ADAM32: variants seen among roughly 807,000 people sequenced by gnomAD.
The protein encoded by ADAM32 is disintegrin and metalloproteinase domain-containing protein 32.
A neutral mutation model predicts 114.9 loss-of-function variants in ADAM32; 89 were observed. The observed-to-expected ratio is 0.77, with a 90% CI of 0.65 to 0.92. The LOEUF (loss-of-function observed/expected upper bound fraction) is 0.92. ADAM32 is among the 40% of genes least tolerant of loss of function. The probability of loss-of-function intolerance (pLI) is 0.00; values close to 1 mark genes in which losing one functional copy is unlikely to be tolerated. For synonymous variants in ADAM32, 285 were observed against 307.5 expected (o/e 0.93, Z 0.77); for missense variants, 870 against 932.8 (o/e 0.93, Z 0.88).
chr8:39,114,112 G>T (rs1212961312), intron 1 of ADAM32, among the ~76,000 whole-genome samples: 2 of 152,084 alleles, frequency 1.3e-5, no homozygotes, highest in African/African-American at 4.8e-5. Flanking sequence ...ATGGATCCAG[G>T]TCACAATTTA....
At chr8:39,245,063 CAG>C (rs1268541509) in intron 16 of ADAM32, among the ~76,000 whole-genome samples, 1 of 151,674 alleles carries the variant, frequency 6.6e-6, no homozygotes, top group African/African-American at 2.4e-5. Flanking sequence ...GCAGAGTAAA[CAG>C]ACAACCCACA....
intron 11 of ADAM32, among the ~76,000 whole-genome samples, chr8:39,210,168 G>T (rs1440055114): frequency 6.6e-6 from 1 of 152,164 alleles, no homozygotes; most frequent in Non-Finnish European, 1.5e-5. Context: ...GGACCATGGG[G>T]TTCAGCCTGG....
intron 2 of ADAM32, chr8:39,129,813 G>T: frequency 3.2e-6 from 1 of 308,224 alleles, no homozygotes; most frequent in South Asian, 2.7e-5. Flanking sequence ...TTCTTTTTGG[G>T]AAGATTTATA....
intron 3 of ADAM32, among the ~76,000 whole-genome samples, chr8:39,144,473 A>G (rs903548193): frequency 2.6e-5 from 4 of 152,176 alleles, no homozygotes; most frequent in Non-Finnish European, 5.9e-5. Flanking sequence ...ATGAGAACAG[A>G]CCTGAGTCAG....
At chr8:39,260,452 G>C (rs754885457) in intron 19 of ADAM32, among the ~76,000 whole-genome samples, 2 of 152,086 alleles carry the variant, frequency 1.3e-5, no homozygotes, top group Non-Finnish European at 1.5e-5. Context: ...GTTTAATGTA[G>C]CTGTGGGCTT....
At chr8:39,226,282 G>T (rs1210996921) in intron 14 of ADAM32, among the ~76,000 whole-genome samples, 1 of 152,050 alleles carries the variant, frequency 6.6e-6, no homozygotes, top group East Asian at 1.9e-4. Flanking sequence ...CTCATTATAA[G>T]AGGTAAAAAA....
intron 2 of ADAM32, among the ~76,000 whole-genome samples, chr8:39,124,826 A>T (rs1802018618): frequency 6.6e-6 from 1 of 152,152 alleles, no homozygotes; most frequent in Non-Finnish European, 1.5e-5. Flanking sequence ...ATGTATCTTT[A>T]CAATGGAATA....
At chr8:39,220,620 T>A (rs1168709994) in intron 12 of ADAM32, among the ~76,000 whole-genome samples, 1 of 151,986 alleles carries the variant, frequency 6.6e-6, no homozygotes, top group Non-Finnish European at 1.5e-5. Context: ...GTGTTTCTAT[T>A]TCATTTGTTT....
chr8:39,219,454 C>T (rs1731669315), intron 12 of ADAM32, among the ~76,000 whole-genome samples: 1 of 152,180 alleles, frequency 6.6e-6, no homozygotes, highest in South Asian at 2.1e-4. Context: ...GATGATTCCC[C>T]TCTGGCTAGG....
Position 39,284,834 on chromosome 8 carries a change from G to A in ADAM32, c.*35G>A. On this transcript the variant is annotated 3_prime_UTR_variant, in exon 25 of 25. Coordinates refer to ENST00000379907, the MANE Select transcript of ADAM32 (RefSeq NM_145004.7). Reference sequence around the variant, plus strand: ...CAGAAGGCAACGGATAACATCGAGAGTCTCGCTAAGAAATGAAAATTCTGT... The same window carrying A: ...CAGAAGGCAACGGATAACATCGAGAATCTCGCTAAGAAATGAAAATTCTGT... 1 of 1,611,674 alleles carries A rather than the reference G, an allele frequency of 6.2e-7. No individual in the cohort carries two copies. Among genetic ancestry groups the A allele is most frequent in the Non-Finnish European group, 8.5e-7 (1 of 1,178,024 alleles).
intron 2 of ADAM32, among the ~76,000 whole-genome samples, chr8:39,129,450 A>G (rs531069577): frequency 6.6e-6 from 1 of 152,084 alleles, no homozygotes; most frequent in Non-Finnish European, 1.5e-5. Context: ...TTCTACATTT[A>G]TTGTAATGAT....
intron 17 of ADAM32, among the ~76,000 whole-genome samples, chr8:39,252,672 C>A (rs1168210625): frequency 6.6e-6 from 1 of 151,196 alleles, no homozygotes; most frequent in Non-Finnish European, 1.5e-5. Context: ...AAAGGACAAA[C>A]TCTTAGGTAA....
At chr8:39,274,173 C>A (rs892180517) in intron 20 of ADAM32, 139 bp from the exon 21 acceptor site, 12 of 802,074 alleles carry the variant, frequency 1.5e-5, no homozygotes, top group Non-Finnish European at 1.9e-5. Flanking sequence ...TGTTCAGTGA[C>A]CTTTGGACAT....
At chr8:39,110,961 A>G (rs1206359135) in intron 1 of ADAM32, among the ~76,000 whole-genome samples, 1 of 152,200 alleles carries the variant, frequency 6.6e-6, no homozygotes, top group Non-Finnish European at 1.5e-5. Flanking sequence ...GGATTTATCT[A>G]TTCTGGGTAT....
chr8:39,131,319 T>A (rs1027280977), intron 2 of ADAM32, among the ~76,000 whole-genome samples: 35 of 151,824 alleles, frequency 2.3e-4, no homozygotes, highest in Non-Finnish European at 4.6e-4. Flanking sequence ...ATCTCATCTC[T>A]CCAAAAAATA....
At chr8:39,214,961 T>C (rs542317186) in intron 12 of ADAM32, among the ~76,000 whole-genome samples, 1 of 152,200 alleles carries the variant, frequency 6.6e-6, no homozygotes, top group East Asian at 1.9e-4. Context: ...TTCCCAAGTG[T>C]ATGTTCTGGG....
Position 39,257,249 on chromosome 8 carries a change from G to C in ADAM32, c.2068G>C (p.Ala690Pro). Reference protein sequence around the residue: ...ENTWLLGFLIALPILIVTTAI... With the variant: ...ENTWLLGFLIPLPILIVTTAI... The stretch of plus-strand genomic sequence containing the variant: ...CACCTGGCTTCTAGGTTTCCTCATT[G>C]CTCTTCCTATTCTCATTGTAACAAC... Residue 690 changes from alanine to proline, a missense_variant, in exon 19 of 25, where the codon GCT becomes CCT. Coordinates refer to ENST00000379907, the MANE Select transcript of ADAM32 (RefSeq NM_145004.7). 1 of 1,611,210 alleles carries C rather than the reference G, an allele frequency of 6.2e-7. No individual in the cohort carries two copies. The highest frequency in any genetic ancestry group is 1.3e-5 in the African/African-American group (1 of 74,450).
chr8:39,186,355 A>T lies in ADAM32; in HGVS notation c.916-554A>T, dbSNP rs187952469. ...CCCATTTCTTTTTCGCAAGGAGGTT[A>T]TCTGTGTTAAATATATAAACAGCCT... On this transcript the variant is annotated intron_variant, in intron 10 of 24. Transcript: ENST00000379907. Among the ~76,000 whole-genome samples the T allele has an allele frequency of 7.2e-5, 11 of 152,302 alleles. No homozygotes were observed. In the East Asian group the frequency reaches 9.6e-4, roughly 13 times the overall value.
At chr8:39,271,357 A>G (rs965045153) in intron 20 of ADAM32, among the ~76,000 whole-genome samples, 7 of 152,168 alleles carry the variant, frequency 4.6e-5, no homozygotes, top group Admixed American at 3.3e-4. Flanking sequence ...TCAGAGAGCA[A>G]TGCATTACTC....
Sources: gnomAD v4.1 joint callset for allele counts (sites outside exome capture counted in the v4.1 genomes callset) on GRCh38, gnomAD v4.1.1 for gene constraint, MANE v1.5 for transcripts, NCBI Gene and HGNC (gene_info 2026-07-23, HGNC 2026-07-21) for gene names.